The following XXYLT1 variants were observed in gnomAD, a reference collection of about 807,000 sequenced individuals.
The protein encoded by XXYLT1 is UDP-xylose:alpha-xyloside alpha-1,3-xylosyltransferase.
Under a neutral mutation model 28.9 loss-of-function variants are expected in XXYLT1, and 20 were observed. That is an observed-to-expected ratio of 0.69 (90% CI 0.49 to 1.00). The LOEUF is 1.00. XXYLT1 is among the 50% of genes least tolerant of loss of function. The probability of loss-of-function intolerance (pLI) is 0.00; values close to 1 mark genes in which losing one functional copy is unlikely to be tolerated. For synonymous variants in XXYLT1, 257 were observed against 253.8 expected (o/e 1.01, Z -0.12); for missense variants, 542 against 560.1 (o/e 0.97, Z 0.33).
intron 3 of XXYLT1, among the ~76,000 whole-genome samples, chr3:195,104,198 C>CGTGAGTGTGT (rs1716962305): frequency 7.0e-6 from 1 of 141,978 alleles, no homozygotes; most frequent in African/African-American, 2.7e-5. Context: ...ATGAGGGCTC[C>CGTGAGTGTGT]GTGTGTGTGT....
At chr3:195,119,739 C>T (rs1718246838) in intron 3 of XXYLT1, among the ~76,000 whole-genome samples, 1 of 152,238 alleles carries the variant, frequency 6.6e-6, no homozygotes, top group South Asian at 2.1e-4. Flanking sequence ...TCTTTTGTTC[C>T]ATACGGCACA....
In XXYLT1 at chr3:195,086,767, A is replaced by G. The variant is rs1433047441; in HGVS notation, c.786-16656T>C. Among the ~76,000 whole-genome samples the G allele has an allele frequency of 1.3e-5, 2 of 151,946 alleles. 1 individual carries two copies. The highest frequency in any genetic ancestry group is 1.3e-4 in the Admixed American group (2 of 15,260). ...CAGTGCCAAGGATGGAGACAAGCAAAGGGTTTAGGAGATACTTAGCAGGTG... is the reference window on the plus strand; with the variant it reads ...CAGTGCCAAGGATGGAGACAAGCAAGGGGTTTAGGAGATACTTAGCAGGTG... On this transcript the variant is annotated intron_variant, in intron 3 of 3. Coordinates refer to ENST00000310380, the MANE Select transcript of XXYLT1 (RefSeq NM_152531.5).
intron 3 of XXYLT1, among the ~76,000 whole-genome samples, chr3:195,071,348 T>C (rs764857909): frequency 5.9e-5 from 9 of 152,102 alleles, no homozygotes; most frequent in Non-Finnish European, 1.5e-5. Context: ...AAGCAGAAGG[T>C]ACGGGGGAAT....
intron 3 of XXYLT1, among the ~76,000 whole-genome samples, chr3:195,117,580 A>G (rs1718113007): frequency 6.6e-6 from 1 of 152,218 alleles, no homozygotes; most frequent in African/African-American, 2.4e-5. Flanking sequence ...AAGTTATTAA[A>G]TGAGTTATTT....
At chr3:195,109,611 TGTATGA>T (rs1226474006) in intron 3 of XXYLT1, among the ~76,000 whole-genome samples, 881 of 57,222 alleles carry the variant, frequency 0.015, 25 homozygotes, top group African/African-American at 0.04. Context: ...TGGTGTGTGT[TGTATGA>T]GTGTGTGTGG....
At chr3:195,251,428 C>T (rs1725248993) in intron 1 of XXYLT1, among the ~76,000 whole-genome samples, 1 of 152,238 alleles carries the variant, frequency 6.6e-6, no homozygotes, top group South Asian at 2.1e-4. Flanking sequence ...AAGCCAGGCC[C>T]CCGGCCCTTC....
chr3:195,179,785 C>A (rs1001341928), intron 2 of XXYLT1, among the ~76,000 whole-genome samples: 1 of 152,086 alleles, frequency 6.6e-6, no homozygotes, highest in East Asian at 1.9e-4. Flanking sequence ...TTCCAGATTC[C>A]ACTTGCAGCC....
At position 195,193,915 on chromosome 3, in the gene XXYLT1, A is replaced by G. The variant is rs148640255; in HGVS notation, c.652+32794T>C. Reference sequence around the variant, plus strand: ...TAAAAATTAACTCAAAATGGATCATAGATCTAAATGTAATAGCTAAAACTA... The same window carrying G: ...TAAAAATTAACTCAAAATGGATCATGGATCTAAATGTAATAGCTAAAACTA... On this transcript the variant is annotated intron_variant, in intron 2 of 3. Transcript: ENST00000310380. Among the ~76,000 whole-genome samples, 3 of 152,296 alleles carry G rather than the reference A, an allele frequency of 2.0e-5. No homozygotes were observed. The East Asian group carries it at 5.8e-4, about 29-fold the overall frequency.
At chr3:195,193,396 TAAA>T (rs1722502203) in intron 2 of XXYLT1, among the ~76,000 whole-genome samples, 1 of 149,732 alleles carries the variant, frequency 6.7e-6, no homozygotes, top group African/African-American at 2.5e-5. Context: ...CTGAGAAAAC[TAAA>T]GAAGATCTAA....
rs143458333 is a variant in XXYLT1 at position 195,264,444 on chromosome 3, A to G, written c.504+6111T>C. 3.8e-3 allele frequency among the ~76,000 whole-genome samples: 572 copies of G among 152,358 alleles called. 5 individuals are homozygous for G. The highest frequency in any genetic ancestry group is 0.013 in the African/African-American group (533 of 41,594). On this transcript the variant is annotated intron_variant, in intron 1 of 3. Transcript: ENST00000310380. ...CTCCCTCACTTCCTTCAGGCTCTGCACAAATGGCACCTTATCCGTGGAGCC... is the reference window on the plus strand; with the variant it reads ...CTCCCTCACTTCCTTCAGGCTCTGCGCAAATGGCACCTTATCCGTGGAGCC...
At position 195,210,765 on chromosome 3, in the gene XXYLT1, TTCACTGAAA is replaced by T. The variant is rs146516871; in HGVS notation, c.652+15935_652+15943del. ...CCATAAGAGCTGCCAGAAAATAGTTTTCACTGAAATCACTGGACACATGTTTATACCCTT... is the reference window on the plus strand; with the variant it reads ...CCATAAGAGCTGCCAGAAAATAGTTTTCACTGGACACATGTTTATACCCTT... On this transcript the variant is annotated intron_variant, in intron 2 of 3. Transcript: ENST00000310380. The surrounding 1 kb of genome is among the most constrained non-coding windows in gnomAD (Gnocchi z 4.8). Among the ~76,000 whole-genome samples, 2,215 of 152,332 alleles carry T rather than the reference TTCACTGAAA, an allele frequency of 0.015. 25 individuals are homozygous for T. Among genetic ancestry groups the T allele is most frequent in the Non-Finnish European group, 0.021 (1,436 of 68,030 alleles).
In XXYLT1 at chr3:195,143,831, GATATAGATATAGATATAT is replaced by G. The variant is rs1224157993; in HGVS notation, c.785+12600_785+12617del. 1.6e-3 allele frequency among the ~76,000 whole-genome samples: 105 copies of G among 65,704 alleles called. 9 individuals carry two copies. Among genetic ancestry groups the G allele is most frequent in the Admixed American group, 3.9e-3 (24 of 6,078 alleles). The allele number at this position is 65,704 out of a possible 152,430, so 43.1% of individuals were successfully genotyped here. A position where few individuals can be genotyped will look rare whatever the true frequency, so the allele number is the denominator to read the frequency against. On this transcript the variant is annotated intron_variant, in intron 3 of 3. Transcript: ENST00000310380. ...ATATATATAGATATAGATATATATA[GATATAGATATAGATATAT>G]ATATAGATATATATAGATATAGATA... is the stretch of plus-strand genomic sequence containing the variant.
chr3:195,080,793 G>A (rs1007207359), intron 3 of XXYLT1, among the ~76,000 whole-genome samples: 4 of 152,308 alleles, frequency 2.6e-5, no homozygotes, highest in Non-Finnish European at 4.4e-5. Flanking sequence ...CCGCACCAGC[G>A]CCCTTCACCC....
chr3:195,116,758 A>C (rs1380308282), intron 3 of XXYLT1, among the ~76,000 whole-genome samples: 1 of 152,204 alleles, frequency 6.6e-6, no homozygotes, highest in Non-Finnish European at 1.5e-5. Flanking sequence ...GACCAGGTAA[A>C]GGCTGAGACG....
intron 3 of XXYLT1, among the ~76,000 whole-genome samples, chr3:195,155,086 C>T (rs971212730): frequency 1.3e-5 from 2 of 152,206 alleles, no homozygotes; most frequent in African/African-American, 2.4e-5. Context: ...TGGGGCCACA[C>T]GTGAGAGGAT....
chr3:195,222,228 G>A lies in XXYLT1; in HGVS notation c.652+4481C>T, dbSNP rs577401379. Among the ~76,000 whole-genome samples, 12 of 152,330 alleles carry A rather than the reference G, an allele frequency of 7.9e-5. No individual in the cohort carries two copies. The South Asian group carries it at 2.1e-3, about 26-fold the overall frequency. On this transcript the variant is annotated intron_variant, in intron 2 of 3. Transcript: ENST00000310380. ...GGACATCAGAATGGGCATAAGCTCCGGACTGAGAACTCCCAGGGCAAGGAG... is the reference window on the plus strand; with the variant it reads ...GGACATCAGAATGGGCATAAGCTCCAGACTGAGAACTCCCAGGGCAAGGAG...
chr3:195,199,669 C>T (rs1160810121), intron 2 of XXYLT1, among the ~76,000 whole-genome samples: 2 of 152,134 alleles, frequency 1.3e-5, no homozygotes, highest in Admixed American at 1.3e-4. Flanking sequence ...TAAGGAGTCT[C>T]ATAGGGGTTA....
Position 195,139,525 on chromosome 3 carries a change from T to G in XXYLT1, c.785+16924A>C, listed in dbSNP as rs529351685. On this transcript the variant is annotated intron_variant, in intron 3 of 3. Transcript: ENST00000310380. ...ACGCTTTCACAGTGTGCTCAGCCGC[T>G]CAGCTGCAGGCATGGGGCCAGCCCT... Among the ~76,000 whole-genome samples, 9 of 152,318 alleles carry G rather than the reference T, an allele frequency of 5.9e-5. No homozygotes were observed. The South Asian group carries it at 1.9e-3, about 32-fold the overall frequency.
intron 3 of XXYLT1, among the ~76,000 whole-genome samples, chr3:195,130,786 C>T (rs538371495): frequency 4.6e-5 from 7 of 152,316 alleles, no homozygotes; most frequent in South Asian, 4.1e-4. Flanking sequence ...CACAACAAAA[C>T]GTGCATACAA....
Sources: allele counts gnomAD v4.1 joint callset (sites outside exome capture counted in the v4.1 genomes callset), GRCh38; gene constraint gnomAD v4.1.1; non-coding constraint Gnocchi (gnomAD v3.1); transcripts MANE v1.5; gene names NCBI Gene and HGNC (gene_info 2026-07-23, HGNC 2026-07-21).